The following TES variants were observed in gnomAD, a reference collection of about 807,000 sequenced individuals.
TES encodes testin LIM domain protein.
A neutral mutation model predicts 48.2 loss-of-function variants in TES; 41 were observed. That is an observed-to-expected ratio of 0.85 (90% CI 0.66 to 1.10). The LOEUF is 1.10. TES is among the 50% of genes least tolerant of loss of function. The pLI is 0.00. For missense variants in TES, 463 were observed against 515.1 expected (o/e 0.90, Z 0.98); for synonymous variants, 162 against 174.9 (o/e 0.93, Z 0.58).
intron 2 of TES, among the ~76,000 whole-genome samples, chr7:116,236,758 T>G (rs1799777834): frequency 6.6e-6 from 1 of 152,206 alleles, no homozygotes; most frequent in South Asian, 2.1e-4. Context: ...CAGATGAAAA[T>G]ATATCCGACA....
At position 116,210,581 on chromosome 7, in the gene TES, A is replaced by T; in HGVS notation, c.-127A>T. On this transcript the variant is annotated 5_prime_UTR_variant, in exon 1 of 7. Coordinates refer to ENST00000358204, the MANE Select transcript of TES (RefSeq NM_015641.4). ...GGCGGAAGTTCGACGGCGCCGGGCGAGTGGCTGTTGAGCGGCGCCGCGGGA... is the reference window on the plus strand; with the variant it reads ...GGCGGAAGTTCGACGGCGCCGGGCGTGTGGCTGTTGAGCGGCGCCGCGGGA... The T allele has an allele frequency of 9.5e-7, 1 of 1,047,440 alleles. No individual in the cohort carries two copies. The highest frequency in any genetic ancestry group is 1.2e-6 in the Non-Finnish European group (1 of 805,602). 64.9% of individuals were successfully genotyped at this position (1,047,440 alleles called of 1,614,324 possible).
At chr7:116,242,294 T>C (rs1799858645) in intron 2 of TES, among the ~76,000 whole-genome samples, 1 of 152,220 alleles carries the variant, frequency 6.6e-6, no homozygotes, top group Non-Finnish European at 1.5e-5. Flanking sequence ...TATAAATAAT[T>C]ACATTGTTTT....
chr7:116,252,895 A>G (rs1210230935), intron 6 of TES, among the ~76,000 whole-genome samples: 1 of 152,196 alleles, frequency 6.6e-6, no homozygotes, highest in African/African-American at 2.4e-5. Flanking sequence ...TGTTTTTGCT[A>G]CCTGGAGATT....
intron 6 of TES, among the ~76,000 whole-genome samples, chr7:116,254,539 G>T (rs1449925044): frequency 6.6e-6 from 1 of 152,092 alleles, no homozygotes; most frequent in Non-Finnish European, 1.5e-5. Flanking sequence ...TTCGAGACCA[G>T]CCTGGCCAAC....
Position 116,257,389 on chromosome 7 carries a change from C to T in TES, c.1173C>T (p.Cys391=). The part of the protein sequence containing the change: ...SWHASTECFL[C]SCCSKCLIGQ... ...ATGCATCCACAGAGTGCTTTCTGTG[C>T]TCTTGCTGCAGCAAATGCCTCATTG... Residue 391 remains cysteine, a synonymous_variant, in exon 7 of 7, where the codon TGC becomes TGT. Coordinates refer to ENST00000358204, the MANE Select transcript of TES (RefSeq NM_015641.4). 7 of 1,614,030 alleles carry T rather than the reference C, an allele frequency of 4.3e-6. No homozygotes were observed. Among genetic ancestry groups the T allele is most frequent in the Non-Finnish European group, 5.9e-6 (7 of 1,179,998 alleles).
intron 4 of TES, among the ~76,000 whole-genome samples, chr7:116,251,085 C>T (rs553475768): frequency 3.0e-4 from 46 of 152,208 alleles, no homozygotes; most frequent in Middle Eastern, 3.4e-3. Context: ...GCACACCAAC[C>T]AATAAGGCTT....
At chr7:116,253,657 G>C (rs1800051508) in intron 6 of TES, among the ~76,000 whole-genome samples, 1 of 152,066 alleles carries the variant, frequency 6.6e-6, no homozygotes, top group Non-Finnish European at 1.5e-5. Flanking sequence ...TTTACACACT[G>C]TTGTCTTTTG....
At position 116,258,566 on chromosome 7, in the gene TES, T is replaced by A. The variant is rs564673903; in HGVS notation, c.*1084T>A. The A allele has an allele frequency of 6.6e-6, 1 of 152,648 alleles. No homozygotes were observed. Among genetic ancestry groups the A allele is most frequent in the Non-Finnish European group, 1.5e-5 (1 of 68,046 alleles). The allele number at this position is 152,648 out of a possible 1,614,324, so 9.5% of individuals were successfully genotyped here. ...CCTGCCATGATTTAGATAAGATTTT[T>A]TTTGCATGGTTTTTATTCTTTCCTA... On this transcript the variant is annotated 3_prime_UTR_variant, in exon 7 of 7. Transcript: ENST00000358204.
intron 1 of TES, chr7:116,211,523 G>T (rs2116564895): frequency 6.6e-6 from 1 of 152,392 alleles, no homozygotes; most frequent in East Asian, 1.9e-4. Flanking sequence ...GGAGAAAAGG[G>T]TGGGGACCAG....
chr7:116,246,816 C>T (rs922960067), intron 2 of TES, among the ~76,000 whole-genome samples: 6 of 152,128 alleles, frequency 3.9e-5, no homozygotes, highest in Admixed American at 6.5e-5. Context: ...GTCCAAATTA[C>T]ACCCTCTCAA....
intron 2 of TES, among the ~76,000 whole-genome samples, chr7:116,237,093 T>C (rs1376226112): frequency 1.3e-5 from 2 of 152,122 alleles, no homozygotes. Context: ...TGAAGTAAAA[T>C]ATTCTAGACT....
intron 1 of TES, 28 bp from the exon 2 acceptor site, chr7:116,234,506 C>T (rs2030978): frequency 0.29 from 459,252 of 1,575,412 alleles, 70,816 homozygotes; most frequent in East Asian, 0.58. Context: ...AATCTAATAA[C>T]AGATTCATGA....
chr7:116,234,686 G>GAGAACTCGA, intron 2 of TES, 67 bp downstream of exon 2: 1 of 1,332,004 alleles, frequency 7.5e-7, no homozygotes. Flanking sequence ...TCAGACAGTG[G>GAGAACTCGA]AGATATCTTC....
At chr7:116,255,302 C>A (rs770281842) in intron 6 of TES, 1 of 152,184 alleles carries the variant, frequency 6.6e-6, no homozygotes, top group East Asian at 1.9e-4. Context: ...GGTTTAGGAA[C>A]ATGGGAAGAT....
chr7:116,229,026 A>ATTT (rs1799662442), intron 1 of TES, among the ~76,000 whole-genome samples: 1 of 125,316 alleles, frequency 8.0e-6, no homozygotes, highest in African/African-American at 3.0e-5. Context: ...ATATATATAT[A>ATTT]TATATATAAT....
chr7:116,236,971 C>T (rs1799780426), intron 2 of TES, among the ~76,000 whole-genome samples: 2 of 152,186 alleles, frequency 1.3e-5, no homozygotes, highest in South Asian at 4.1e-4. Context: ...GGCATGGGTC[C>T]AGTCACATTT....
At chr7:116,230,253 G>A (rs1370719535) in intron 1 of TES, among the ~76,000 whole-genome samples, 1 of 152,172 alleles carries the variant, frequency 6.6e-6, no homozygotes, top group Non-Finnish European at 1.5e-5. Flanking sequence ...CTCTCTGTCT[G>A]TGATGTTTAA....
At chr7:116,210,964 G>C (rs896404512) in intron 1 of TES, 1 of 338,296 alleles carries the variant, frequency 3.0e-6, no homozygotes, top group African/African-American at 2.2e-5. Context: ...GCGCGAGCGA[G>C]GGCGGGCGCG....
In TES at chr7:116,256,353, A is replaced by G. The variant is rs186532694; in HGVS notation, c.1078-941A>G. ...TCCTGACAATCACATTACGAGACCA[A>G]GGGTGCTTAAGATTAGTCACTGTGA... is the stretch of plus-strand genomic sequence containing the variant. On this transcript the variant is annotated intron_variant, in intron 6 of 6. Coordinates refer to ENST00000358204, the MANE Select transcript of TES (RefSeq NM_015641.4). Among the ~76,000 whole-genome samples the G allele has an allele frequency of 2.8e-3, 425 of 152,296 alleles. 1 individual carries two copies. The highest frequency in any genetic ancestry group is 6.8e-3 in the Middle Eastern group (2 of 294).
Sources: allele counts gnomAD v4.1 joint callset (sites outside exome capture counted in the v4.1 genomes callset), GRCh38; gene constraint gnomAD v4.1.1; transcripts MANE v1.5; gene names NCBI Gene and HGNC (gene_info 2026-07-23, HGNC 2026-07-21).